Variants in PTPRM observed in about 807,000 individuals in gnomAD.
PTPRM encodes protein tyrosine phosphatase receptor type M.
In PTPRM, 47 loss-of-function variants were observed where a neutral mutation model predicts 186.7. The ratio of observed to expected loss-of-function variants is 0.25; its 90% CI spans 0.20 to 0.32. The LOEUF is 0.32. Ranked by LOEUF, PTPRM falls within the 10% of genes least tolerant of loss-of-function variation. The pLI, the probability that PTPRM is intolerant of heterozygous loss-of-function variation, is 1.00. For synonymous variants in PTPRM, 668 were observed against 674.9 expected (o/e 0.99, Z 0.16); for missense variants, 1,494 against 1,865.0 (o/e 0.80, Z 3.66).
At chr18:7,694,912 A>G (rs2039811904) in intron 1 of PTPRM, among the ~76,000 whole-genome samples, 1 of 152,336 alleles carries the variant, frequency 6.6e-6, no homozygotes, top group South Asian at 2.1e-4. Flanking sequence ...ACAAAGCTTT[A>G]TTGAAGGCTT....
chr18:8,234,547 T>C (rs776430143), intron 14 of PTPRM, among the ~76,000 whole-genome samples: 47 of 152,180 alleles, frequency 3.1e-4, no homozygotes, highest in Admixed American at 4.6e-4. Context: ...GTTTCATTCA[T>C]TCCTTCTTAA....
At chr18:8,275,917 T>C (rs1224008583) in intron 19 of PTPRM, among the ~76,000 whole-genome samples, 1 of 152,092 alleles carries the variant, frequency 6.6e-6, no homozygotes, top group East Asian at 1.9e-4. Context: ...AAGCCCTGAG[T>C]GTTTATGACC....
chr18:8,223,842 T>C (rs1173399249), intron 14 of PTPRM, among the ~76,000 whole-genome samples: 1 of 152,194 alleles, frequency 6.6e-6, no homozygotes. Flanking sequence ...AACCATAAAT[T>C]TTCTCTTGGT....
At chr18:7,887,041 A>G (rs2048822901) in intron 2 of PTPRM, among the ~76,000 whole-genome samples, 1 of 152,144 alleles carries the variant, frequency 6.6e-6, no homozygotes, top group Admixed American at 6.5e-5. Flanking sequence ...ATATATACAC[A>G]CCTTGAACAT....
intron 14 of PTPRM, among the ~76,000 whole-genome samples, chr18:8,149,691 T>C (rs1312862816): frequency 1.3e-5 from 2 of 152,018 alleles, no homozygotes; most frequent in East Asian, 1.9e-4. Context: ...CCTGTCATTA[T>C]GATGATAGCT....
At chr18:8,074,481 G>A (rs758562565) in intron 8 of PTPRM, among the ~76,000 whole-genome samples, 15 of 152,126 alleles carry the variant, frequency 9.9e-5, no homozygotes, top group South Asian at 2.1e-4. Flanking sequence ...AGGCACTGCC[G>A]GAGTGTTTTC....
At chr18:7,994,655 C>T (rs1035094061) in intron 7 of PTPRM, among the ~76,000 whole-genome samples, 1 of 151,792 alleles carries the variant, frequency 6.6e-6, no homozygotes, top group Admixed American at 6.6e-5. Flanking sequence ...GAATAAACTA[C>T]AAATCAGTAG....
At chr18:7,696,815 C>A (rs16952383) in intron 1 of PTPRM, among the ~76,000 whole-genome samples, 9,479 of 152,194 alleles carry the variant, frequency 0.062, 764 homozygotes, top group African/African-American at 0.18. Flanking sequence ...ACAACAGAAC[C>A]AAATGACATA....
chr18:8,136,294 A>G (rs2092637112), intron 13 of PTPRM, among the ~76,000 whole-genome samples: 1 of 152,206 alleles, frequency 6.6e-6, no homozygotes, highest in Non-Finnish European at 1.5e-5. Context: ...TAATGATTTG[A>G]GAAATTCAAA....
At chr18:8,309,015 A>G (rs184605555) in intron 20 of PTPRM, among the ~76,000 whole-genome samples, 10 of 152,350 alleles carry the variant, frequency 6.6e-5, no homozygotes, top group Admixed American at 4.6e-4. Context: ...TTCAAGTTGT[A>G]TGTAAATGTA....
chr18:8,295,341 C>G lies in PTPRM; in HGVS notation c.2755-1027C>G, dbSNP rs530554926. ...AAATATTGTAAATGGTGGAAATGGC[C>G]AAGACGGCTGAACACCACAGGTGAG... On this transcript the variant is annotated intron_variant, in intron 19 of 32. Coordinates refer to ENST00000580170, the MANE Select transcript of PTPRM (RefSeq NM_001105244.2). Among the ~76,000 whole-genome samples the G allele has an allele frequency of 3.3e-5, 5 of 152,190 alleles. No homozygotes were observed. In the East Asian group the frequency reaches 9.7e-4, roughly 29 times the overall value.
chr18:8,052,923 G>A (rs185086523), intron 7 of PTPRM, among the ~76,000 whole-genome samples: 172 of 152,296 alleles, frequency 1.1e-3, no homozygotes, highest in Admixed American at 1.9e-3. Flanking sequence ...GCATTTCTCA[G>A]ATTAGTATTA....
intron 2 of PTPRM, among the ~76,000 whole-genome samples, chr18:7,788,060 G>A (rs1257925781): frequency 6.6e-6 from 1 of 152,176 alleles, no homozygotes; most frequent in African/African-American, 2.4e-5. Flanking sequence ...GAAAACGACT[G>A]ACCTAGGCCA....
chr18:8,218,976 G>C (rs916821791), intron 14 of PTPRM, among the ~76,000 whole-genome samples: 4 of 152,154 alleles, frequency 2.6e-5, no homozygotes, highest in Non-Finnish European at 4.4e-5. Context: ...GAGTGTGGAG[G>C]GAAACTGATG....
intron 1 of PTPRM, among the ~76,000 whole-genome samples, chr18:7,770,223 AGGGGACT>A (rs1347555489): frequency 2.0e-5 from 3 of 152,166 alleles, no homozygotes; most frequent in Admixed American, 2.0e-4. Flanking sequence ...ACTGTGTTTC[AGGGGACT>A]TTGCCTCCTT....
chr18:7,605,427 C>A (rs191857489), intron 1 of PTPRM, among the ~76,000 whole-genome samples: 1 of 151,702 alleles, frequency 6.6e-6, no homozygotes, highest in African/African-American at 2.4e-5. Flanking sequence ...TGTCCCCCCC[C>A]CACTTCCGTT....
intron 3 of PTPRM, among the ~76,000 whole-genome samples, chr18:7,898,266 T>G (rs1162208999): frequency 6.6e-6 from 1 of 152,214 alleles, no homozygotes; most frequent in Non-Finnish European, 1.5e-5. Flanking sequence ...CTAGGTAATG[T>G]GTGGGAGAAC....
intron 2 of PTPRM, among the ~76,000 whole-genome samples, chr18:7,818,208 T>G (rs887882893): frequency 1.3e-5 from 2 of 152,232 alleles, no homozygotes; most frequent in African/African-American, 4.8e-5. Flanking sequence ...AATTTAGTTT[T>G]TTTTCCGACG....
At chr18:8,405,525 C>G (rs2095900758) in intron 32 of PTPRM, among the ~76,000 whole-genome samples, 1 of 152,212 alleles carries the variant, frequency 6.6e-6, no homozygotes. Flanking sequence ...GCATAGGGAC[C>G]ATTCCACCTC....
Sources: gnomAD v4.1 joint callset for allele counts (sites outside exome capture counted in the v4.1 genomes callset) on GRCh38, gnomAD v4.1.1 for gene constraint, MANE v1.5 for transcripts, NCBI Gene and HGNC (gene_info 2026-07-23, HGNC 2026-07-21) for gene names.